GRB10: variants seen among roughly 807,000 people sequenced by gnomAD.
GRB10 encodes the protein growth factor receptor bound protein 10.
GRB10 carries 20 observed loss-of-function variants against 80.9 expected under a neutral mutation model. That is an observed-to-expected ratio of 0.25 (90% confidence interval 0.17 to 0.36). The LOEUF (loss-of-function observed/expected upper bound fraction) is 0.36. Among genes scored for constraint, GRB10 ranks in the 10% least tolerant of loss-of-function variants. GRB10 has a pLI of 1.00. For missense variants in GRB10, 548 were observed against 747.7 expected (o/e 0.73, Z 3.12); for synonymous variants, 291 against 291.5 (o/e 1.00, Z 0.02).
chr7:50,662,429 C>T (rs893940602), intron 7 of GRB10, among the ~76,000 whole-genome samples: 4 of 152,220 alleles, frequency 2.6e-5, no homozygotes. Context: ...AATCCATCTC[C>T]TTTCAGCAGC....
At chr7:50,731,744 C>A (rs767785687) in intron 4 of GRB10, among the ~76,000 whole-genome samples, 14 of 152,302 alleles carry the variant, frequency 9.2e-5, no homozygotes, top group South Asian at 6.2e-4. Context: ...TGTTCTCCCA[C>A]AAAATTCCAC....
At chr7:50,686,241 CCTT>C (rs2062090067) in intron 5 of GRB10, among the ~76,000 whole-genome samples, 2 of 152,084 alleles carry the variant, frequency 1.3e-5, no homozygotes, top group South Asian at 4.1e-4. Flanking sequence ...CTGGAGAGAC[CCTT>C]CCCCATTCCA....
intron 7 of GRB10, among the ~76,000 whole-genome samples, chr7:50,642,495 CATAA>C (rs1004374398): frequency 7.9e-5 from 12 of 152,184 alleles, no homozygotes; most frequent in African/African-American, 2.9e-4. Flanking sequence ...TATATATACA[CATAA>C]ATATATATAC....
At chr7:50,598,471 A>G (rs1412959408) in intron 17 of GRB10, among the ~76,000 whole-genome samples, 1 of 152,216 alleles carries the variant, frequency 6.6e-6, no homozygotes, top group African/African-American at 2.4e-5. Flanking sequence ...GTCCATCATA[A>G]ATGAACGAAG....
chr7:50,701,097 T>C (rs999612715), intron 5 of GRB10, among the ~76,000 whole-genome samples: 5 of 152,230 alleles, frequency 3.3e-5, no homozygotes, highest in African/African-American at 1.2e-4. Context: ...ATTGTTGTTG[T>C]GTTTTTCATA....
intron 8 of GRB10, among the ~76,000 whole-genome samples, chr7:50,623,731 T>A (rs372503757): frequency 6.6e-6 from 1 of 152,220 alleles, no homozygotes; most frequent in Non-Finnish European, 1.5e-5. Flanking sequence ...AGGTTTAATA[T>A]TATTAAGGGA....
intron 6 of GRB10, among the ~76,000 whole-genome samples, chr7:50,672,887 A>G (rs773731004): frequency 3.3e-5 from 5 of 152,230 alleles, no homozygotes; most frequent in Non-Finnish European, 7.3e-5. Flanking sequence ...GTCACGCTTC[A>G]AAGAGCAAAG....
intron 2 of GRB10, chr7:50,762,103 T>C (rs1387663837): frequency 1.3e-5 from 2 of 151,946 alleles, no homozygotes; most frequent in Non-Finnish European, 2.9e-5. Flanking sequence ...AACAGACTAA[T>C]ACACCGTCAC....
At chr7:50,716,797 G>A (rs927524991) in intron 4 of GRB10, among the ~76,000 whole-genome samples, 5 of 152,344 alleles carry the variant, frequency 3.3e-5, no homozygotes, top group African/African-American at 1.2e-4. Context: ...AACGGCTGGC[G>A]TGGTCTGGAG....
At chr7:50,643,124 G>T (rs530882405) in intron 7 of GRB10, among the ~76,000 whole-genome samples, 1 of 152,248 alleles carries the variant, frequency 6.6e-6, no homozygotes, top group East Asian at 1.9e-4. Flanking sequence ...GAGTCTTGGT[G>T]GTATTTGAAA....
At chr7:50,738,697 T>G (rs2071217865) in intron 3 of GRB10, among the ~76,000 whole-genome samples, 1 of 152,238 alleles carries the variant, frequency 6.6e-6, no homozygotes, top group African/African-American at 2.4e-5. Context: ...ATCAGCTGAT[T>G]TATCAAAATA....
At chr7:50,788,844 C>T (rs2078799732) in intron 1 of GRB10, among the ~76,000 whole-genome samples, 1 of 152,178 alleles carries the variant, frequency 6.6e-6, no homozygotes, top group Non-Finnish European at 1.5e-5. Context: ...AGAGTCCAGA[C>T]ACCAACCGTG....
intron 3 of GRB10, among the ~76,000 whole-genome samples, chr7:50,738,172 C>T (rs2071135024): frequency 6.6e-6 from 1 of 152,166 alleles, no homozygotes; most frequent in Non-Finnish European, 1.5e-5. Context: ...GGTAGGCATG[C>T]AAAATGGTGT....
intron 7 of GRB10, among the ~76,000 whole-genome samples, chr7:50,654,000 C>T (rs766508800): frequency 3.9e-5 from 6 of 152,334 alleles, no homozygotes; most frequent in Non-Finnish European, 5.9e-5. Flanking sequence ...TCCGTCTTCT[C>T]GGGAACCTTT....
chr7:50,688,387 G>A (rs2153655687), intron 5 of GRB10, among the ~76,000 whole-genome samples: 1 of 152,350 alleles, frequency 6.6e-6, no homozygotes, highest in Admixed American at 6.5e-5. Context: ...AGAGGAAGCA[G>A]CTGCTTTTAA....
chr7:50,635,902 TA>T (rs56099361), intron 7 of GRB10, among the ~76,000 whole-genome samples: 49,900 of 96,350 alleles, frequency 0.52, 10,680 homozygotes, highest in African/African-American at 0.54. Flanking sequence ...AATCTTCCAA[TA>T]AAAAAAAAAA....
At chr7:50,654,597 C>CATTTTATTTTGAAATA (rs774735310) in intron 7 of GRB10, among the ~76,000 whole-genome samples, 2 of 152,160 alleles carry the variant, frequency 1.3e-5, no homozygotes, top group East Asian at 3.8e-4. Flanking sequence ...CTTTGTTTAG[C>CATTTTATTTTGAAATA]ATTTTATTTT....
chr7:50,652,063 T>G (rs1418714519), intron 7 of GRB10, among the ~76,000 whole-genome samples: 1 of 152,230 alleles, frequency 6.6e-6, no homozygotes, highest in Non-Finnish European at 1.5e-5. Flanking sequence ...TTCTGGAAAT[T>G]GTAGGTAGAA....
chr7:50,732,988 C>A (rs528254391), intron 3 of GRB10, among the ~76,000 whole-genome samples: 9 of 152,176 alleles, frequency 5.9e-5, no homozygotes, highest in Admixed American at 1.3e-4. Context: ...AGACAAGACC[C>A]TGTTATGGGA....
Sources: gnomAD v4.1 joint callset for allele counts (sites outside exome capture counted in the v4.1 genomes callset) on GRCh38, gnomAD v4.1.1 for gene constraint, MANE v1.5 for transcripts, NCBI Gene and HGNC (gene_info 2026-07-23, HGNC 2026-07-21) for gene names.